Variants in ITGA4 observed in about 807,000 individuals in gnomAD.
ITGA4 encodes integrin subunit alpha 4.
ITGA4 carries 63 observed loss-of-function variants against 133.6 expected under a neutral mutation model. That is an observed-to-expected ratio of 0.47 (90% CI 0.38 to 0.58). ITGA4 has a LOEUF of 0.58. ITGA4 is among the 20% of genes least tolerant of loss of function. The pLI is 0.00. For synonymous variants in ITGA4, 483 were observed against 438.0 expected, an observed-to-expected ratio of 1.10 and a Z score of -1.28; for missense variants, 1,076 against 1,252.7, an observed-to-expected ratio of 0.86 and a Z score of 2.13.
rs1265738759 is a variant in ITGA4 at position 181,495,893 on chromosome 2, C to T, written c.1496C>T (p.Thr499Ile). ...TGGCCTTCTGTGTGCATAGATCTAA[C>T]ACTTTGTTTCTCATATAAGGGCAAG... ...NGWPSVCIDL[T>I]LCFSYKGKEV... The change falls in exon 14 of 28, where the codon ACA becomes ATA. Residue 499 changes from threonine to isoleucine, a missense_variant. Thr to Ile is a moderately conservative substitution (Grantham distance 89). Coordinates refer to ENST00000397033, the MANE Select transcript of ITGA4 (RefSeq NM_000885.6). This position sits in a 1 kb window ranked among gnomAD's most constrained non-coding sequence, Gnocchi z 4.3. 6 of 1,613,976 alleles carry T rather than the reference C, an allele frequency of 3.7e-6. No homozygotes were observed. The highest frequency in any genetic ancestry group is 5.1e-6 in the Non-Finnish European group (6 of 1,179,912).
chr2:181,462,870 T>A (rs1685319403), intron 2 of ITGA4, among the ~76,000 whole-genome samples: 1 of 152,298 alleles, frequency 6.6e-6, no homozygotes, highest in South Asian at 2.1e-4. Context: ...GATGCTGAAA[T>A]CCGTTGCACA....
intron 16 of ITGA4, among the ~76,000 whole-genome samples, chr2:181,510,285 T>C (rs1372949944): frequency 6.6e-6 from 1 of 152,134 alleles, no homozygotes; most frequent in African/African-American, 2.4e-5. Context: ...ATACAATAAT[T>C]TCTTTTTAAA....
chr2:181,501,797 T>TC (rs1004065838), intron 15 of ITGA4, among the ~76,000 whole-genome samples: 36 of 152,230 alleles, frequency 2.4e-4, no homozygotes, highest in African/African-American at 8.4e-4. Flanking sequence ...TAGAGTTCAG[T>TC]CGTGGGCCTG....
In ITGA4 at chr2:181,482,345, T is replaced by C. The variant is rs2305588; in HGVS notation, c.841-15T>C. On this transcript the variant is annotated splice_polypyrimidine_tract_variant and intron_variant, in intron 7 of 27. Transcript: ENST00000397033. ...TTATTCCTAAAAACTTTTCTAATTC[T>C]TTCCCTAATTACAGGCATATATATT... The C allele has an allele frequency of 0.19, 294,375 of 1,586,036 alleles. 28,374 individuals carry two copies. The highest frequency in any genetic ancestry group is 0.24 in the Middle Eastern group (1,425 of 5,882).
chr2:181,461,700 A>G (rs1349956753), intron 2 of ITGA4, among the ~76,000 whole-genome samples: 2 of 152,198 alleles, frequency 1.3e-5, no homozygotes, highest in African/African-American at 2.4e-5. Flanking sequence ...GGTTATTCAA[A>G]TATGTTTCCA....
In ITGA4 at chr2:181,524,539, ACT is replaced by A. The variant is rs199667739; in HGVS notation, c.2249+292_2249+293del. Among the ~76,000 whole-genome samples the A allele has an allele frequency of 1.4e-3, 216 of 152,280 alleles. 1 individual carries two copies. The highest frequency in any genetic ancestry group is 4.8e-3 in the African/African-American group (200 of 41,566). ...CAGAATAAACAGTTTACAAGTAATA[ACT>A]CTACAAGATTTAAAAGTGAGGGTAA... On this transcript the variant is annotated intron_variant, in intron 20 of 27. Transcript: ENST00000397033.
In ITGA4 at chr2:181,537,101, A is replaced by G. The variant is rs1474066287; in HGVS notation, c.*1574A>G. 5 of 452,390 alleles carry G rather than the reference A, an allele frequency of 1.1e-5. No individual in the cohort carries two copies. In the East Asian group the frequency reaches 3.5e-4, roughly 31 times the overall value. The allele number at this position is 452,390 out of a possible 1,614,324, so 28.0% of individuals were successfully genotyped here. A position where few individuals can be genotyped will look rare whatever the true frequency, so the allele number is the denominator to read the frequency against. ...CCAGAGTGTGTATACACAGGAATAA[A>G]CTTTATGACATTTATGTATTTTTAA... On this transcript the variant is annotated 3_prime_UTR_variant, in exon 28 of 28. Coordinates refer to ENST00000397033, the MANE Select transcript of ITGA4 (RefSeq NM_000885.6).
At position 181,511,763 on chromosome 2, in the gene ITGA4, T is replaced by C. The variant is rs1265693698; in HGVS notation, c.1910T>C (p.Ile637Thr). Residue 637 changes from isoleucine to threonine, a missense_variant, in exon 17 of 28, where the codon ATT (isoleucine) becomes ACT (threonine). Ile to Thr is a moderately conservative substitution (Grantham distance 89). Transcript: ENST00000397033. Reference sequence around the variant, plus strand: ...GCTGATTTACAGGTTTCTGCAAAGATTGGGTTTTTGAAGTAAGTATATGTG... The same window carrying C: ...GCTGATTTACAGGTTTCTGCAAAGACTGGGTTTTTGAAGTAAGTATATGTG... Reference protein sequence around the residue: ...CSADLQVSAKIGFLKPHENKT... With the variant: ...CSADLQVSAKTGFLKPHENKT... 3.2e-6 allele frequency: 5 copies of C among 1,567,744 alleles called. No individual in the cohort carries two copies. Among genetic ancestry groups the C allele is most frequent in the East Asian group, 4.5e-5 (2 of 44,540 alleles).
At chr2:181,535,305 T>C in intron 27 of ITGA4, 127 bp from the exon 28 acceptor site, 1 of 719,018 alleles carries the variant, frequency 1.4e-6, no homozygotes, top group Non-Finnish European at 2.2e-6. Context: ...TAAACCTTTA[T>C]GACTGATGTT....
At chr2:181,457,981 G>C (rs945524072) in intron 1 of ITGA4, 130 bp downstream of exon 1, 86 of 1,141,198 alleles carry the variant, frequency 7.5e-5, no homozygotes, top group Non-Finnish European at 1.0e-4. Flanking sequence ...GCGAGAGCCA[G>C]CTCGCTGGAA....
Position 181,537,920 on chromosome 2 carries a change from C to T in ITGA4, c.*2393C>T. On this transcript the variant is annotated 3_prime_UTR_variant, in exon 28 of 28. Coordinates refer to ENST00000397033, the MANE Select transcript of ITGA4 (RefSeq NM_000885.6). Reference sequence around the variant, plus strand: ...TGAGTTCCTCCCCCTGTCAGATCAGCAGCAGCATTAGATTCTCATAGAAGT... The same window carrying T: ...TGAGTTCCTCCCCCTGTCAGATCAGTAGCAGCATTAGATTCTCATAGAAGT... 2 of 585,310 alleles carry T rather than the reference C, an allele frequency of 3.4e-6. No homozygotes were observed. The highest frequency in any genetic ancestry group is 6.4e-6 in the Non-Finnish European group (2 of 310,130). The allele number at this position is 585,310 out of a possible 1,614,324, so 36.3% of individuals were successfully genotyped here.
At chr2:181,519,355 A>G (rs976085780) in intron 17 of ITGA4, among the ~76,000 whole-genome samples, 5 of 152,120 alleles carry the variant, frequency 3.3e-5, no homozygotes. Flanking sequence ...GCTAATATTT[A>G]TTTCCTTGAG....
chr2:181,511,637 A>AAT, intron 16 of ITGA4, 62 bp from the exon 17 acceptor site: 1 of 859,622 alleles, frequency 1.2e-6, no homozygotes, highest in Non-Finnish European at 1.9e-6. Flanking sequence ...TCATCTTTAA[A>AAT]ATATATATAA....
intron 21 of ITGA4, among the ~76,000 whole-genome samples, chr2:181,526,532 T>A (rs1215629859): frequency 6.6e-6 from 1 of 152,154 alleles, no homozygotes; most frequent in Non-Finnish European, 1.5e-5. Flanking sequence ...TTTATCATAC[T>A]TAATAATGTT....
intron 15 of ITGA4, among the ~76,000 whole-genome samples, chr2:181,507,119 A>T (rs1156832178): frequency 6.6e-6 from 1 of 152,152 alleles, no homozygotes; most frequent in Non-Finnish European, 1.5e-5. Context: ...TATGAAAGAC[A>T]TCACAGTCTG....
chr2:181,537,104 TTA>T lies in ITGA4; in HGVS notation c.*1579_*1580del, dbSNP rs1057226047. On this transcript the variant is annotated 3_prime_UTR_variant, in exon 28 of 28. Transcript: ENST00000397033. ...GAGTGTGTATACACAGGAATAAACT[TTA>T]TGACATTTATGTATTTTTAAAAAAC... 5.1e-5 allele frequency: 23 copies of T among 452,600 alleles called. No homozygotes were observed. The highest frequency in any genetic ancestry group is 3.6e-4 in the African/African-American group (18 of 49,794). The allele number at this position is 452,600 out of a possible 1,614,324, so 28.0% of individuals were successfully genotyped here.
Position 181,485,890 on chromosome 2 carries a change from A to C in ITGA4, c.1051A>C (p.Met351Leu). 1 of 1,603,804 alleles carries C rather than the reference A, an allele frequency of 6.2e-7. No homozygotes were observed. The highest frequency in any genetic ancestry group is 8.5e-7 in the Non-Finnish European group (1 of 1,177,228). The change falls in exon 10 of 28, where the codon ATG becomes CTG. Residue 351 changes from methionine (M) to leucine (L), a missense_variant. Transcript: ENST00000397033. ...CTCCCTTTCTATCTAGGGAGCAGTA[A>C]TGAATGCAATGGAAACAAACCTCGT... ...VYINSGSGAV[M>L]NAMETNLVGS... is the part of the protein sequence containing the mutation.
At chr2:181,534,778 T>TTA in intron 26 of ITGA4, 38 bp from the exon 27 acceptor site, 1 of 1,545,324 alleles carries the variant, frequency 6.5e-7, no homozygotes, top group Non-Finnish European at 8.7e-7. Context: ...TGATTTTTTT[T>TTA]TTTGGTTTTT....
intron 24 of ITGA4, 69 bp from the exon 25 acceptor site, chr2:181,531,588 T>C (rs556149425): frequency 1.8e-5 from 15 of 834,670 alleles, no homozygotes; most frequent in Admixed American, 5.8e-5. Context: ...TTAAATTCTA[T>C]ATAAAATATT....
Sources: allele counts gnomAD v4.1 joint callset (sites outside exome capture counted in the v4.1 genomes callset), GRCh38; gene constraint gnomAD v4.1.1; non-coding constraint Gnocchi (gnomAD v3.1); transcripts MANE v1.5; gene names NCBI Gene and HGNC (gene_info 2026-07-23, HGNC 2026-07-21).